BCAP29: variants seen among roughly 807,000 people sequenced by gnomAD.
BCAP29 encodes B cell receptor associated protein 29, also known as B-cell receptor-associated protein 29.
In BCAP29, 34 loss-of-function variants were observed where a neutral mutation model predicts 31.8. That is an observed-to-expected ratio of 1.07 (90% CI 0.81 to 1.42). The LOEUF (loss-of-function observed/expected upper bound fraction) is 1.42. BCAP29 is among the 40% of genes most tolerant of loss of function. BCAP29 has a pLI of 0.00. For synonymous variants in BCAP29, 104 were observed against 91.3 expected, an observed-to-expected ratio of 1.14 and a Z score of -0.79; for missense variants, 314 against 269.2, an observed-to-expected ratio of 1.17 and a Z score of -1.16.
chr7:107,599,272 T>TTATATATAAA (rs1317708112), intron 5 of BCAP29, among the ~76,000 whole-genome samples: 1,274 of 81,358 alleles, frequency 0.016, 58 homozygotes, highest in African/African-American at 0.047. Context: ...ATATATATAT[T>TTATATATAAA]TATATATAAT....
chr7:107,589,159 A>C (rs949729638), intron 3 of BCAP29, among the ~76,000 whole-genome samples: 3 of 152,242 alleles, frequency 2.0e-5, no homozygotes, highest in African/African-American at 7.2e-5. Flanking sequence ...ACTGTACATC[A>C]GCAGTCCCCA....
In BCAP29 at chr7:107,584,013, A is replaced by G. The variant is rs373891286; in HGVS notation, c.193+31A>G. 94 of 1,267,634 alleles carry G rather than the reference A, an allele frequency of 7.4e-5. 1 individual carries two copies. The highest frequency in any genetic ancestry group is 1.7e-4 in the Admixed American group (7 of 40,674). 78.5% of individuals were successfully genotyped at this position (1,267,634 alleles called of 1,614,324 possible). ...TACTAGATCCCTTCTTTGAATAAATATAACTTTTTTTAAATGAATTTCTTT... is the reference window on the plus strand; with the variant it reads ...TACTAGATCCCTTCTTTGAATAAATGTAACTTTTTTTAAATGAATTTCTTT... On this transcript the variant is annotated intron_variant, in intron 3 of 7. Coordinates refer to ENST00000005259, the MANE Select transcript of BCAP29 (RefSeq NM_018844.4).
intron 3 of BCAP29, among the ~76,000 whole-genome samples, chr7:107,591,942 G>T (rs1405943994): frequency 2.0e-5 from 3 of 149,776 alleles, no homozygotes; most frequent in African/African-American, 7.6e-5. Context: ...CTTTCTTTGT[G>T]CTTATTTTTT....
intron 2 of BCAP29, 74 bp from the exon 3 acceptor site, chr7:107,583,808 C>A: frequency 1.6e-6 from 1 of 627,822 alleles, no homozygotes; most frequent in Non-Finnish European, 2.6e-6. Flanking sequence ...TAAAATGTTA[C>A]TTCAGTATTT....
intron 4 of BCAP29, 119 bp from the exon 5 acceptor site, chr7:107,595,748 C>A: frequency 9.1e-7 from 1 of 1,096,478 alleles, no homozygotes; most frequent in Non-Finnish European, 1.3e-6. Flanking sequence ...TGGGTTCTGC[C>A]TAAACATTAT....
intron 4 of BCAP29, 61 bp downstream of exon 4, chr7:107,594,166 A>C: frequency 2.9e-5 from 43 of 1,460,980 alleles, no homozygotes; most frequent in Non-Finnish European, 3.7e-5. Context: ...TTCCTTTCTC[A>C]TTTTGTCCAC....
At chr7:107,612,390 T>G (rs1366960817) in intron 6 of BCAP29, among the ~76,000 whole-genome samples, 2 of 92,736 alleles carry the variant, frequency 2.2e-5, no homozygotes, top group Non-Finnish European at 4.0e-5. Flanking sequence ...AATGTATTGT[T>G]TTATATATAT....
chr7:107,612,184 T>C (rs557233712), intron 6 of BCAP29, among the ~76,000 whole-genome samples: 33 of 151,838 alleles, frequency 2.2e-4, no homozygotes, highest in Admixed American at 5.9e-4. Flanking sequence ...CTTAAACTCC[T>C]ACCCTAAAAT....
At chr7:107,598,111 AAC>A (rs1448368386) in intron 5 of BCAP29, among the ~76,000 whole-genome samples, 2 of 152,208 alleles carry the variant, frequency 1.3e-5, no homozygotes, top group African/African-American at 2.4e-5. Context: ...TTACAAGACT[AAC>A]ACAAATCCAC....
chr7:107,600,833 TTCC>T (rs1283082311), intron 6 of BCAP29, among the ~76,000 whole-genome samples: 1 of 152,256 alleles, frequency 6.6e-6, no homozygotes, highest in African/African-American at 2.4e-5. Flanking sequence ...TCATCGTATA[TTCC>T]TCCTCTCAGA....
intron 1 of BCAP29, 73 bp from the exon 2 acceptor site, chr7:107,580,686 C>A: frequency 1.9e-6 from 2 of 1,027,980 alleles, no homozygotes; most frequent in Non-Finnish European, 2.9e-6. Flanking sequence ...TGGACAAAAA[C>A]GCTGCGCCTC....
chr7:107,613,817 T>C, intron 7 of BCAP29: 1 of 1,006,972 alleles, frequency 9.9e-7, no homozygotes, highest in Non-Finnish European at 1.6e-6. Flanking sequence ...TACTCTTGTC[T>C]CAGTGTTTTA....
At chr7:107,591,509 G>A (rs207468381) in intron 3 of BCAP29, among the ~76,000 whole-genome samples, 2 of 152,032 alleles carry the variant, frequency 1.3e-5, no homozygotes, top group African/African-American at 4.8e-5. Context: ...CAGACTGCCA[G>A]TCTACCCTCC....
chr7:107,582,888 C>T (rs548884457), intron 2 of BCAP29, among the ~76,000 whole-genome samples: 5 of 152,140 alleles, frequency 3.3e-5, no homozygotes, highest in African/African-American at 1.2e-4. Context: ...TAAATATTGG[C>T]TGTATAAAAT....
chr7:107,609,099 T>C (rs1812678382), intron 6 of BCAP29, among the ~76,000 whole-genome samples: 1 of 152,190 alleles, frequency 6.6e-6, no homozygotes. Flanking sequence ...CTTGACATTT[T>C]AAAGGATGAC....
chr7:107,602,114 C>G (rs1811283780), intron 6 of BCAP29, among the ~76,000 whole-genome samples: 1 of 152,132 alleles, frequency 6.6e-6, no homozygotes, highest in African/African-American at 2.4e-5. Context: ...ACAACTGATA[C>G]CAGCTTCTGT....
chr7:107,584,853 T>A lies in BCAP29; in HGVS notation c.193+871T>A, dbSNP rs562973805. Among the ~76,000 whole-genome samples, 15 of 152,348 alleles carry A rather than the reference T, an allele frequency of 9.8e-5. No individual in the cohort carries two copies. In the South Asian group the frequency reaches 3.1e-3, roughly 32 times the overall value. Reference sequence around the variant, plus strand: ...AGCAGGGTCAGCAACCTATATAGCCTGTGGGCCAAATACCTATTTTTGTAA... The same window carrying A: ...AGCAGGGTCAGCAACCTATATAGCCAGTGGGCCAAATACCTATTTTTGTAA... On this transcript the variant is annotated intron_variant, in intron 3 of 7. Transcript: ENST00000005259.
Position 107,613,333 on chromosome 7 carries a change from C to T in BCAP29, c.591C>T (p.Ala197=). ...ATAAAACTATTCGATATTTTCTAGC[C>T]CTTTCTAAGGCACAAAATGATGTGA... The part of the protein sequence containing the change: ...LKTELRKTSD[A]LSKAQNDVME... The change falls in exon 7 of 8, where the codon GCC becomes GCT. Residue 197 remains alanine, a splice_region_variant and synonymous_variant. Coordinates refer to ENST00000005259, the MANE Select transcript of BCAP29 (RefSeq NM_018844.4). 1 of 1,598,388 alleles carries T rather than the reference C, an allele frequency of 6.3e-7. No individual in the cohort carries two copies. The highest frequency in any genetic ancestry group is 1.7e-5 in the Admixed American group (1 of 57,986).
rs765953486 is a variant in BCAP29 at position 107,600,539 on chromosome 7, C to T, written c.589+34C>T. 15 of 1,304,866 alleles carry T rather than the reference C, an allele frequency of 1.1e-5. No individual in the cohort carries two copies. In the Admixed American group the frequency reaches 2.5e-4, roughly 22 times the overall value. The allele number at this position is 1,304,866 out of a possible 1,614,324, so 80.8% of individuals were successfully genotyped here. A position where few individuals can be genotyped will look rare whatever the true frequency, so the allele number is the denominator to read the frequency against. ...GTGTACATGTGAAAAAGTAAAAAGACTAGCATGATATTTTATGCTGTACAC... is the reference window on the plus strand; with the variant it reads ...GTGTACATGTGAAAAAGTAAAAAGATTAGCATGATATTTTATGCTGTACAC... On this transcript the variant is annotated intron_variant, in intron 6 of 7. Transcript: ENST00000005259.
Sources: gnomAD v4.1 joint callset for allele counts (sites outside exome capture counted in the v4.1 genomes callset) on GRCh38, gnomAD v4.1.1 for gene constraint, MANE v1.5 for transcripts, NCBI Gene and HGNC (gene_info 2026-07-23, HGNC 2026-07-21) for gene names.